The following ADAM12 variants were observed in gnomAD, a reference collection of about 807,000 sequenced individuals.
The protein encoded by ADAM12 is disintegrin and metalloproteinase domain-containing protein 12.
Under a neutral mutation model 106.4 loss-of-function variants are expected in ADAM12, and 70 were observed. The observed-to-expected ratio is 0.66, with a 90% CI of 0.54 to 0.80. The LOEUF is 0.80. Ranked by LOEUF, ADAM12 falls within the 30% of genes least tolerant of loss-of-function variation. ADAM12 has a pLI of 0.00. For synonymous variants in ADAM12, 420 were observed against 433.5 expected, an observed-to-expected ratio of 0.97 and a Z score of 0.39; for missense variants, 1,010 against 1,171.9, an observed-to-expected ratio of 0.86 and a Z score of 2.02.
At chr10:126,326,146 G>A (rs1009879744) in intron 2 of ADAM12, among the ~76,000 whole-genome samples, 8 of 151,916 alleles carry the variant, frequency 5.3e-5, no homozygotes, top group African/African-American at 1.9e-4. Flanking sequence ...ATTGGATGCA[G>A]CATCAATTTC....
intron 21 of ADAM12, among the ~76,000 whole-genome samples, chr10:126,029,324 G>A (rs1047556260): frequency 1.3e-5 from 2 of 152,112 alleles, no homozygotes; most frequent in Non-Finnish European, 2.9e-5. Context: ...CAATAGCAAA[G>A]ACATGGAATC....
At chr10:126,088,814 T>G (rs1955408044) in intron 11 of ADAM12, among the ~76,000 whole-genome samples, 1 of 152,006 alleles carries the variant, frequency 6.6e-6, no homozygotes, top group African/African-American at 2.4e-5. Flanking sequence ...AGGTGTGCCA[T>G]GAATGTGTCC....
intron 4 of ADAM12, among the ~76,000 whole-genome samples, chr10:126,146,087 C>T (rs1956622186): frequency 6.6e-6 from 1 of 152,188 alleles, no homozygotes; most frequent in African/African-American, 2.4e-5. Context: ...GAGAAAAAGA[C>T]AGGTGGCTAA....
rs569227890 is a variant in ADAM12 at position 126,291,535 on chromosome 10, G to T, written c.187-12547C>A. Among the ~76,000 whole-genome samples, 5 of 152,228 alleles carry T rather than the reference G, an allele frequency of 3.3e-5. No homozygotes were observed. In the South Asian group the frequency reaches 1.0e-3, roughly 32 times the overall value. The stretch of plus-strand genomic sequence containing the variant: ...CTTGCAAAGAGAATTCTCATTTCAT[G>T]GCTGCAGACAAAAATTGAAGTTAGA... On this transcript the variant is annotated intron_variant, in intron 2 of 22. Transcript: ENST00000448723.
At chr10:126,028,841 A>G (rs1263184481) in intron 21 of ADAM12, among the ~76,000 whole-genome samples, 3 of 152,346 alleles carry the variant, frequency 2.0e-5, no homozygotes, top group Admixed American at 6.5e-5. Context: ...AACAACCTAC[A>G]GAATGGGAGA....
chr10:126,124,791 C>CTGAGCA (rs139763687), intron 5 of ADAM12, among the ~76,000 whole-genome samples: 228 of 147,852 alleles, frequency 1.5e-3, no homozygotes, highest in Middle Eastern at 3.5e-3. Context: ...ACTCGGGAGG[C>CTGAGCA]TGAGGTAGGA....
intron 1 of ADAM12, among the ~76,000 whole-genome samples, chr10:126,353,602 A>G (rs900818585): frequency 2.0e-5 from 3 of 152,228 alleles, no homozygotes; most frequent in African/African-American, 7.2e-5. Context: ...GAGTATCTCA[A>G]CCTGTTTATT....
chr10:126,052,262 A>G (rs555747536), intron 14 of ADAM12, among the ~76,000 whole-genome samples: 2 of 152,290 alleles, frequency 1.3e-5, no homozygotes, highest in African/African-American at 4.8e-5. Flanking sequence ...GGAAGGGCTA[A>G]GAAAATGGGG....
At chr10:126,372,142 C>T (rs1312297864) in intron 1 of ADAM12, among the ~76,000 whole-genome samples, 2 of 152,120 alleles carry the variant, frequency 1.3e-5, no homozygotes, top group African/African-American at 4.8e-5. Context: ...CTCTGCCACC[C>T]CCTCTGTCAA....
At chr10:126,024,854 A>C (rs1389151584) in intron 21 of ADAM12, among the ~76,000 whole-genome samples, 2 of 150,646 alleles carry the variant, frequency 1.3e-5, no homozygotes, top group Non-Finnish European at 3.0e-5. Context: ...TGGAGAACAA[A>C]AAAAAAAAGC....
intron 21 of ADAM12, among the ~76,000 whole-genome samples, chr10:126,021,655 A>G (rs375000403): frequency 6.6e-6 from 1 of 151,410 alleles, no homozygotes; most frequent in African/African-American, 2.4e-5. Context: ...AAGAGCACGG[A>G]TTGTTTATAT....
At chr10:126,119,708 ATAGAAGGTGACATT>A (rs1314199260) in intron 5 of ADAM12, among the ~76,000 whole-genome samples, 5 of 152,230 alleles carry the variant, frequency 3.3e-5, no homozygotes, top group Non-Finnish European at 5.9e-5. Context: ...ACTTGCAGAG[ATAGAAGGTGACATT>A]TAGCCATGGA....
chr10:126,160,321 A>C (rs1956909730), intron 3 of ADAM12, among the ~76,000 whole-genome samples: 1 of 152,180 alleles, frequency 6.6e-6, no homozygotes. Context: ...CCCAACAAAA[A>C]CACGCAATGA....
At chr10:126,189,529 C>G (rs557362711) in intron 3 of ADAM12, among the ~76,000 whole-genome samples, 3 of 152,318 alleles carry the variant, frequency 2.0e-5, no homozygotes, top group Admixed American at 6.5e-5. Context: ...ACTCTTAGGA[C>G]TGTTTTTTGA....
chr10:126,243,451 T>C (rs1343463669), intron 3 of ADAM12, among the ~76,000 whole-genome samples: 2 of 149,098 alleles, frequency 1.3e-5, no homozygotes, highest in African/African-American at 4.9e-5. Context: ...TTATCTTCTG[T>C]GTAGACCAGT....
chr10:126,042,993 C>T (rs772337338), intron 18 of ADAM12, 47 bp downstream of exon 18: 119 of 1,582,824 alleles, frequency 7.5e-5, no homozygotes, highest in South Asian at 3.7e-4. Context: ...CCCACCCGCC[C>T]CCAGGTGCTC....
intron 5 of ADAM12, among the ~76,000 whole-genome samples, chr10:126,127,174 T>C (rs1343828405): frequency 6.6e-6 from 1 of 152,022 alleles, no homozygotes. Context: ...AAGATCTCCA[T>C]GGGAGGAAGC....
intron 3 of ADAM12, among the ~76,000 whole-genome samples, chr10:126,174,694 C>CT (rs1957185135): frequency 2.0e-5 from 3 of 151,990 alleles, no homozygotes; most frequent in African/African-American, 7.2e-5. Context: ...TGGAATGAGA[C>CT]ATTTCCACTG....
intron 2 of ADAM12, among the ~76,000 whole-genome samples, chr10:126,327,280 A>C (rs1424443934): frequency 6.6e-6 from 1 of 152,190 alleles, no homozygotes; most frequent in Non-Finnish European, 1.5e-5. Context: ...ATGATGAGTT[A>C]GATCTTCATT....
Sources: allele counts gnomAD v4.1 joint callset (sites outside exome capture counted in the v4.1 genomes callset), GRCh38; gene constraint gnomAD v4.1.1; transcripts MANE v1.5; gene names NCBI Gene and HGNC (gene_info 2026-07-23, HGNC 2026-07-21).